RFTN2: variants seen among roughly 807,000 people sequenced by gnomAD.
RFTN2 encodes raftlin-2.
Under a neutral mutation model 52.7 loss-of-function variants are expected in RFTN2, and 34 were observed. That is an observed-to-expected ratio of 0.64 (90% CI 0.49 to 0.86). The LOEUF is 0.86. Among genes scored for constraint, RFTN2 ranks in the 40% least tolerant of loss-of-function variants. The probability of loss-of-function intolerance (pLI) is 0.00; values close to 1 mark genes in which losing one functional copy is unlikely to be tolerated. For synonymous variants in RFTN2, 203 were observed against 217.7 expected, an observed-to-expected ratio of 0.93 and a Z score of 0.59; for missense variants, 536 against 600.1, an observed-to-expected ratio of 0.89 and a Z score of 1.12.
At chr2:197,586,312 A>G (rs1452415205) in intron 8 of RFTN2, among the ~76,000 whole-genome samples, 1 of 152,048 alleles carries the variant, frequency 6.6e-6, no homozygotes, top group Non-Finnish European at 1.5e-5. Context: ...TCCCCCTCTA[A>G]GCAGTTACCC....
chr2:197,648,896 G>T (rs1188111041), intron 1 of RFTN2, among the ~76,000 whole-genome samples: 1 of 152,142 alleles, frequency 6.6e-6, no homozygotes, highest in African/African-American at 2.4e-5. Context: ...TTCTATTAGT[G>T]TGCTTATCAG....
At chr2:197,603,852 G>A (rs187353805) in intron 7 of RFTN2, among the ~76,000 whole-genome samples, 7 of 152,242 alleles carry the variant, frequency 4.6e-5, no homozygotes, top group South Asian at 2.1e-4. Context: ...GCTTGAACCC[G>A]GGAGGTGGAG....
chr2:197,572,390 C>T, intron 8 of RFTN2, 110 bp from the exon 9 acceptor site: 1 of 1,076,268 alleles, frequency 9.3e-7, no homozygotes. Flanking sequence ...TTTTCCCCAG[C>T]TCTTCAAAAT....
At chr2:197,588,992 G>A (rs963400739) in intron 8 of RFTN2, among the ~76,000 whole-genome samples, 2 of 152,096 alleles carry the variant, frequency 1.3e-5, no homozygotes, top group South Asian at 4.1e-4. Flanking sequence ...GGGAGGCCAA[G>A]GCAGGTGGAC....
intron 7 of RFTN2, among the ~76,000 whole-genome samples, chr2:197,609,441 G>A (rs1559347735): frequency 6.6e-6 from 1 of 152,226 alleles, no homozygotes; most frequent in Non-Finnish European, 1.5e-5. Context: ...CTTTTGAGAA[G>A]TGTCTGTTCA....
chr2:197,667,814 C>A (rs2089082923), intron 1 of RFTN2, among the ~76,000 whole-genome samples: 1 of 152,068 alleles, frequency 6.6e-6, no homozygotes, highest in Non-Finnish European at 1.5e-5. Context: ...TCTTTGGGCC[C>A]CAGTGGTGGC....
chr2:197,572,047 A>C lies in RFTN2; in HGVS notation c.1467T>G (p.Phe489Leu), dbSNP rs138820115. Reference sequence around the variant, plus strand: ...CCTGAGTCACTCCATCTTCCTGATCAAACTGTCCGTCGTCTAATTCCCGGA... The same window carrying C: ...CCTGAGTCACTCCATCTTCCTGATCCAACTGTCCGTCGTCTAATTCCCGGA... ...NVLRELDDGQ[F>L]DQEDGVTQVT... is the part of the protein sequence containing the mutation. The change falls in exon 9 of 9, where the codon TTT (phenylalanine) becomes TTG (leucine). Residue 489 changes from phenylalanine to leucine, a missense_variant. Phe to Leu is a conservative substitution (Grantham distance 22, BLOSUM62 0). Coordinates refer to ENST00000295049, the MANE Select transcript of RFTN2 (RefSeq NM_144629.3). 5.3e-3 allele frequency: 8,627 copies of C among 1,614,204 alleles called. 35 individuals carry two copies. The highest frequency in any genetic ancestry group is 6.7e-3 in the Non-Finnish European group (7,961 of 1,180,022).
At chr2:197,642,967 A>G (rs2106248288) in intron 3 of RFTN2, among the ~76,000 whole-genome samples, 1 of 152,350 alleles carries the variant, frequency 6.6e-6, no homozygotes, top group African/African-American at 2.4e-5. Context: ...TTCTTTAACA[A>G]CAACAACAAA....
At chr2:197,644,591 G>T (rs2088722342) in intron 2 of RFTN2, among the ~76,000 whole-genome samples, 1 of 152,166 alleles carries the variant, frequency 6.6e-6, no homozygotes, top group South Asian at 2.1e-4. Flanking sequence ...AAAAGCAGAA[G>T]TAAAAATTCC....
chr2:197,623,826 G>A (rs1330380595), intron 5 of RFTN2, among the ~76,000 whole-genome samples: 2 of 152,038 alleles, frequency 1.3e-5, no homozygotes, highest in Non-Finnish European at 2.9e-5. Context: ...CACTACGTCT[G>A]GCTAATTTTG....
At chr2:197,638,596 A>G (rs1298104818) in intron 3 of RFTN2, among the ~76,000 whole-genome samples, 2 of 138,938 alleles carry the variant, frequency 1.4e-5, no homozygotes, top group African/African-American at 2.8e-5. Flanking sequence ...TGCTTGGTAG[A>G]TCTTCCTCCA....
intron 4 of RFTN2, 38 bp downstream of exon 4, chr2:197,633,675 TTAAAC>T (rs779589377): frequency 6.6e-7 from 1 of 1,519,262 alleles, no homozygotes; most frequent in South Asian, 1.2e-5. Context: ...CTTATTTTGC[TTAAAC>T]TATAGTATAT....
chr2:197,675,199 T>C, intron 1 of RFTN2, 121 bp downstream of exon 1: 1 of 721,356 alleles, frequency 1.4e-6, no homozygotes, highest in Non-Finnish European at 2.1e-6. Context: ...CGAAGCATTA[T>C]TGTTTGAATA....
At chr2:197,618,726 C>A (rs1175894733) in intron 5 of RFTN2, among the ~76,000 whole-genome samples, 1 of 150,758 alleles carries the variant, frequency 6.6e-6, no homozygotes, top group African/African-American at 2.4e-5. Flanking sequence ...TGGGGAGCAC[C>A]TCTGCCCTGC....
At chr2:197,616,309 A>ATTTTATTTATTTTATTTT (rs1553601950) in intron 6 of RFTN2, among the ~76,000 whole-genome samples, 5,314 of 124,658 alleles carry the variant, frequency 0.043, 333 homozygotes, top group African/African-American at 0.049. Flanking sequence ...ATTTTATTTT[A>ATTTTATTTATTTTATTTT]AAGAGAGGGT....
intron 1 of RFTN2, among the ~76,000 whole-genome samples, chr2:197,654,903 AT>A (rs1350077037): frequency 6.6e-6 from 1 of 152,112 alleles, no homozygotes; most frequent in African/African-American, 2.4e-5. Context: ...AGGCTGAGAT[AT>A]GAGAATTGCT....
Position 197,596,010 on chromosome 2 carries a change from G to C in RFTN2, c.1214C>G (p.Ser405Ter). Residue 405 changes from serine (S) to a stop codon, truncating the protein, a stop_gained, in exon 8 of 9, where the codon TCA becomes TGA. Coordinates refer to ENST00000295049, the MANE Select transcript of RFTN2 (RefSeq NM_144629.3). LOFTEE classifies it low-confidence loss of function (END_TRUNC). ...VFLQRPVMWNSAAQTPDKKAS... is the reference protein window; with the variant it reads ...VFLQRPVMWN ...ACTCACATCTGGTGTTTGAGCAGCTGAATTCCACATAACTGGCCTCTGAAG... is the reference window on the plus strand; with the variant it reads ...ACTCACATCTGGTGTTTGAGCAGCTCAATTCCACATAACTGGCCTCTGAAG... 1 of 1,610,766 alleles carries C rather than the reference G, an allele frequency of 6.2e-7. No individual in the cohort carries two copies. Among genetic ancestry groups the C allele is most frequent in the Non-Finnish European group, 8.5e-7 (1 of 1,177,228 alleles).
chr2:197,621,516 G>A (rs2088265398), intron 5 of RFTN2, among the ~76,000 whole-genome samples: 1 of 146,882 alleles, frequency 6.8e-6, no homozygotes, highest in Non-Finnish European at 1.5e-5. Context: ...TCACATTTTA[G>A]TAATTCTTGC....
rs147343218 is a variant in RFTN2 at position 197,584,076 on chromosome 2, G to A, written c.1234-11796C>T. Among the ~76,000 whole-genome samples the A allele has an allele frequency of 1.5e-3, 226 of 152,178 alleles. 1 individual carries two copies. The highest frequency in any genetic ancestry group is 4.9e-3 in the African/African-American group (203 of 41,518). ...CATCTTTGCTATTGTGAATAGTGCC[G>A]CGATAAACATACATGTGCATGTGTC... On this transcript the variant is annotated intron_variant, in intron 8 of 8. Coordinates refer to ENST00000295049, the MANE Select transcript of RFTN2 (RefSeq NM_144629.3).
Sources: allele counts gnomAD v4.1 joint callset (sites outside exome capture counted in the v4.1 genomes callset), GRCh38; gene constraint gnomAD v4.1.1; transcripts MANE v1.5; gene names NCBI Gene and HGNC (gene_info 2026-07-23, HGNC 2026-07-21).